Variants in NETO1 observed in about 807,000 individuals in gnomAD.
NETO1 encodes neuropilin and tolloid like 1, also known as neuropilin and tolloid-like protein 1.
NETO1 carries 26 observed loss-of-function variants against 61.3 expected under a neutral mutation model. The ratio of observed to expected loss-of-function variants is 0.42; its 90% confidence interval spans 0.31 to 0.59. NETO1 has a LOEUF of 0.59. Ranked by LOEUF, NETO1 falls within the 20% of genes least tolerant of loss-of-function variation. The pLI is 0.12. For synonymous variants in NETO1, 225 were observed against 225.8 expected (o/e 1.00, Z 0.03); for missense variants, 531 against 662.8 (o/e 0.80, Z 2.18).
intron 8 of NETO1, among the ~76,000 whole-genome samples, chr18:72,751,777 G>A (rs577006774): frequency 1.3e-5 from 2 of 152,318 alleles, no homozygotes; most frequent in South Asian, 2.1e-4. Flanking sequence ...CCCCGACCCA[G>A]AAGAAGCTGT....
In NETO1 at chr18:72,777,627, C is replaced by A. The variant is rs547529699; in HGVS notation, c.868+6051G>T. The stretch of plus-strand genomic sequence containing the variant: ...GCGTGGTGGCGGGTGCCTGTAGTCC[C>A]AGCTACTTCAGAGGCTGAGGCAGGA... On this transcript the variant is annotated intron_variant, in intron 7 of 10. Coordinates refer to ENST00000327305, the MANE Select transcript of NETO1 (RefSeq NM_138966.5). 1.3e-4 allele frequency among the ~76,000 whole-genome samples: 19 copies of A among 151,582 alleles called. No homozygotes were observed. The East Asian group carries it at 3.7e-3, about 30-fold the overall frequency.
At chr18:72,775,164 A>G (rs2071504859) in intron 7 of NETO1, among the ~76,000 whole-genome samples, 1 of 152,238 alleles carries the variant, frequency 6.6e-6, no homozygotes, top group Non-Finnish European at 1.5e-5. Context: ...AGCAAGCTGC[A>G]GAGGTGGTAC....
intron 6 of NETO1, among the ~76,000 whole-genome samples, chr18:72,788,506 T>C (rs149546593): frequency 6.6e-6 from 1 of 152,028 alleles, no homozygotes; most frequent in East Asian, 1.9e-4. Flanking sequence ...ATAATACTAA[T>C]AGAAAGAATT....
intron 4 of NETO1, among the ~76,000 whole-genome samples, chr18:72,843,979 G>A (rs1020445403): frequency 6.6e-6 from 1 of 152,104 alleles, no homozygotes; most frequent in Non-Finnish European, 1.5e-5. Context: ...TTTGTACTTA[G>A]TTCTCCAACA....
rs555449143 is a variant in NETO1 at position 72,823,118 on chromosome 18, G to T, written c.470-28714C>A. Among the ~76,000 whole-genome samples, 18 of 152,210 alleles carry T rather than the reference G, an allele frequency of 1.2e-4. No homozygotes were observed. The East Asian group carries it at 3.3e-3, about 28-fold the overall frequency. On this transcript the variant is annotated intron_variant, in intron 4 of 10. Transcript: ENST00000327305. ...CTCACAGTCTTCTGACTTCTTTCATGTCCTTCCCATTTGTTTGTTACTTAA... is the reference window on the plus strand; with the variant it reads ...CTCACAGTCTTCTGACTTCTTTCATTTCCTTCCCATTTGTTTGTTACTTAA...
At chr18:72,783,043 G>A (rs954729297) in intron 7 of NETO1, among the ~76,000 whole-genome samples, 3 of 152,150 alleles carry the variant, frequency 2.0e-5, no homozygotes, top group Non-Finnish European at 4.4e-5. Flanking sequence ...TGTAACACAT[G>A]AAATATTCAG....
intron 4 of NETO1, among the ~76,000 whole-genome samples, chr18:72,836,786 C>T (rs966854706): frequency 6.6e-6 from 1 of 151,920 alleles, no homozygotes; most frequent in Admixed American, 6.6e-5. Context: ...AATTTTAATC[C>T]GGGGATGGAT....
chr18:72,754,285 G>A (rs1025878533), intron 8 of NETO1, among the ~76,000 whole-genome samples: 1 of 151,996 alleles, frequency 6.6e-6, no homozygotes, highest in Admixed American at 6.6e-5. Context: ...AAAAATACAT[G>A]AGACATTTAG....
chr18:72,796,535 G>A (rs1036807607), intron 4 of NETO1, among the ~76,000 whole-genome samples: 6 of 152,000 alleles, frequency 3.9e-5, no homozygotes, highest in South Asian at 2.1e-4. Flanking sequence ...AGGCTGGAGC[G>A]CAGTGATCTC....
At chr18:72,838,042 C>G (rs1336864427) in intron 4 of NETO1, among the ~76,000 whole-genome samples, 2 of 152,038 alleles carry the variant, frequency 1.3e-5, no homozygotes, top group African/African-American at 4.8e-5. Flanking sequence ...TCTACAATAG[C>G]CACACAAAAC....
At chr18:72,764,856 G>A (rs1476795278) in intron 7 of NETO1, among the ~76,000 whole-genome samples, 5 of 152,026 alleles carry the variant, frequency 3.3e-5, no homozygotes, top group African/African-American at 1.2e-4. Flanking sequence ...ACCATCCTTG[G>A]GTCCTTTCTT....
intron 4 of NETO1, among the ~76,000 whole-genome samples, chr18:72,822,401 C>G (rs1215298364): frequency 5.9e-5 from 9 of 152,260 alleles, no homozygotes; most frequent in Admixed American, 1.3e-4. Context: ...CAGACAAGAA[C>G]AGATAACAAG....
Position 72,830,658 on chromosome 18 carries a change from A to G in NETO1, c.469+28168T>C, listed in dbSNP as rs1349992228. Reference sequence around the variant, plus strand: ...CTCCAGGTTACAGGCAAAGCATATGAAAATCTGTCTTAATCCTGATTCCTA... The same window carrying G: ...CTCCAGGTTACAGGCAAAGCATATGGAAATCTGTCTTAATCCTGATTCCTA... On this transcript the variant is annotated intron_variant, in intron 4 of 10. Coordinates refer to ENST00000327305, the MANE Select transcript of NETO1 (RefSeq NM_138966.5). The surrounding 1 kb of genome is among the most constrained non-coding windows in gnomAD (Gnocchi z 4.9). Among the ~76,000 whole-genome samples, 1 of 152,120 alleles carries G rather than the reference A, an allele frequency of 6.6e-6. No homozygotes were observed. The highest frequency in any genetic ancestry group is 1.5e-5 in the Non-Finnish European group (1 of 68,028).
chr18:72,853,987 A>C (rs1168451786), intron 4 of NETO1, among the ~76,000 whole-genome samples: 3 of 152,188 alleles, frequency 2.0e-5, no homozygotes, highest in Non-Finnish European at 4.4e-5. Flanking sequence ...AAGAGGAAAA[A>C]TATTGCACCG....
intron 4 of NETO1, among the ~76,000 whole-genome samples, chr18:72,801,316 T>C (rs1297991985): frequency 1.3e-5 from 2 of 152,196 alleles, no homozygotes; most frequent in African/African-American, 4.8e-5. Context: ...TTAAATGTTA[T>C]TGCAACTATT....
At chr18:72,817,558 G>C (rs2073066004) in intron 4 of NETO1, among the ~76,000 whole-genome samples, 1 of 152,200 alleles carries the variant, frequency 6.6e-6, no homozygotes, top group South Asian at 2.1e-4. Flanking sequence ...AAAGATTGCT[G>C]ATATTCAAAA....
At chr18:72,836,880 T>C (rs1325591746) in intron 4 of NETO1, among the ~76,000 whole-genome samples, 1 of 152,114 alleles carries the variant, frequency 6.6e-6, no homozygotes, top group African/African-American at 2.4e-5. Flanking sequence ...GAGATAGCTA[T>C]TAAATTTGAT....
At chr18:72,779,834 G>A (rs2071677798) in intron 7 of NETO1, among the ~76,000 whole-genome samples, 2 of 152,148 alleles carry the variant, frequency 1.3e-5, no homozygotes, top group African/African-American at 4.8e-5. Context: ...AAAAAACAGG[G>A]TTTTGTTTCC....
chr18:72,829,982 A>C (rs2073520307), intron 4 of NETO1, among the ~76,000 whole-genome samples: 1 of 152,114 alleles, frequency 6.6e-6, no homozygotes, highest in African/African-American at 2.4e-5. Flanking sequence ...AATAAACTTC[A>C]CTCACAAAAA....
Sources: allele counts gnomAD v4.1 joint callset (sites outside exome capture counted in the v4.1 genomes callset), GRCh38; gene constraint gnomAD v4.1.1; non-coding constraint Gnocchi (gnomAD v3.1); transcripts MANE v1.5; gene names NCBI Gene and HGNC (gene_info 2026-07-23, HGNC 2026-07-21).